The following ZBTB10 variants were observed in gnomAD, a reference collection of about 807,000 sequenced individuals.
The protein encoded by ZBTB10 is zinc finger and BTB domain containing 10, also known as zinc finger and BTB domain-containing protein 10.
In ZBTB10, 32 loss-of-function variants were observed where a neutral mutation model predicts 76.4. The observed-to-expected ratio is 0.42, with a 90% CI of 0.32 to 0.56. The LOEUF (loss-of-function observed/expected upper bound fraction) is 0.56, where lower values mean the gene tolerates loss of function less well. Ranked by LOEUF, ZBTB10 falls within the 20% of genes least tolerant of loss-of-function variation. The pLI is 0.14. For missense variants in ZBTB10, 1,057 were observed against 1,098.5 expected, an observed-to-expected ratio of 0.96 and a Z score of 0.53; for synonymous variants, 523 against 432.9, an observed-to-expected ratio of 1.21 and a Z score of -2.58.
intron 2 of ZBTB10, among the ~76,000 whole-genome samples, chr8:80,510,528 A>T (rs1188587481): frequency 6.6e-6 from 1 of 152,164 alleles, no homozygotes; most frequent in African/African-American, 2.4e-5. Context: ...ACATTTTTTT[A>T]AAATAGGAGA....
chr8:80,513,577 C>CT (rs1816252101), intron 2 of ZBTB10, among the ~76,000 whole-genome samples: 1 of 152,144 alleles, frequency 6.6e-6, no homozygotes, highest in African/African-American at 2.4e-5. Context: ...TAACACTTGG[C>CT]TTGTTATATT....
In ZBTB10 at chr8:80,486,427, T is replaced by G; in HGVS notation, c.-384T>G. The stretch of plus-strand genomic sequence containing the variant: ...GGATCGGTGTGTGCGCGCGCGGCTT[T>G]AAAGAGGGGGCAGCGGAGGGTCTCC... On this transcript the variant is annotated 5_prime_UTR_variant, in exon 1 of 6. Transcript: ENST00000455036. 2.0e-6 allele frequency: 2 copies of G among 981,694 alleles called. No individual in the cohort carries two copies. The highest frequency in any genetic ancestry group is 2.4e-6 in the Non-Finnish European group (2 of 828,658). The allele number at this position is 981,694 out of a possible 1,614,324, so 60.8% of individuals were successfully genotyped here.
In ZBTB10 at chr8:80,486,353, C is replaced by T; in HGVS notation, c.-458C>T. Reference sequence around the variant, plus strand: ...TCACCCTCAGCGCCTGCGAAGCCGGCGGCGGCGTCGGGACTCCTCGGCGCG... The same window carrying T: ...TCACCCTCAGCGCCTGCGAAGCCGGTGGCGGCGTCGGGACTCCTCGGCGCG... On this transcript the variant is annotated 5_prime_UTR_variant, in exon 1 of 6. Transcript: ENST00000455036. The T allele has an allele frequency of 1.0e-6, 1 of 989,544 alleles. No individual in the cohort carries two copies. Among genetic ancestry groups the T allele is most frequent in the South Asian group, 4.6e-5 (1 of 21,700 alleles). The allele number at this position is 989,544 out of a possible 1,614,324, so 61.3% of individuals were successfully genotyped here.
Position 80,498,970 on chromosome 8 carries a change from A to G in ZBTB10, c.973-524A>G, listed in dbSNP as rs374848548. On this transcript the variant is annotated intron_variant, in intron 1 of 5. Coordinates refer to ENST00000455036, the MANE Select transcript of ZBTB10 (RefSeq NM_001105539.3). ...TAGGGTCTTACCTTTATCTCTAGTT[A>G]GATTTAATTAACTTCATTGACCTAA... is the stretch of plus-strand genomic sequence containing the variant. Among the ~76,000 whole-genome samples, 551 of 152,328 alleles carry G rather than the reference A, an allele frequency of 3.6e-3. 5 individuals carry two copies. The highest frequency in any genetic ancestry group is 0.012 in the African/African-American group (498 of 41,568).
chr8:80,514,142 G>C (rs911148478), intron 3 of ZBTB10, 134 bp downstream of exon 3: 8 of 726,474 alleles, frequency 1.1e-5, no homozygotes, highest in Non-Finnish European at 1.6e-5. Flanking sequence ...TGGTAGCTAT[G>C]TTTATGATGA....
chr8:80,488,325 A>G (rs371317441), intron 1 of ZBTB10, among the ~76,000 whole-genome samples: 2 of 152,350 alleles, frequency 1.3e-5, no homozygotes, highest in Admixed American at 1.3e-4. Flanking sequence ...ATGTAAATGT[A>G]GAGAATGCTA....
At chr8:80,505,915 A>ATTTTTTTTTTT in intron 2 of ZBTB10, among the ~76,000 whole-genome samples, 1 of 131,970 alleles carries the variant, frequency 7.6e-6, no homozygotes, top group Non-Finnish European at 1.6e-5. Flanking sequence ...TGCCTGGCTA[A>ATTTTTTTTTTT]TTTTTTTTTT....
In ZBTB10 at chr8:80,487,228, C is replaced by T. The variant is rs768126746; in HGVS notation, c.418C>T (p.Arg140Cys). 63 of 1,547,036 alleles carry T rather than the reference C, an allele frequency of 4.1e-5. No homozygotes were observed. Among genetic ancestry groups the T allele is most frequent in the South Asian group, 1.9e-4 (16 of 84,106 alleles). Residue 140 changes from arginine to cysteine, a missense_variant, in exon 1 of 6, where the codon CGC becomes TGC. Coordinates refer to ENST00000455036, the MANE Select transcript of ZBTB10 (RefSeq NM_001105539.3). ...GGGTCTCGGCAACAATGGCAGTAGC[C>T]GCGGCCGCCCCGAGACCTCGGTGTG... ...GGGLGNNGSS[R>C]GRPETSVWPL... is the part of the protein sequence containing the mutation.
At chr8:80,485,879 G>A (rs1451271052), upstream of ZBTB10, 6 of 1,535,598 alleles carry the variant, frequency 3.9e-6, no homozygotes, top group African/African-American at 1.4e-5. Flanking sequence ...CCCGGGCGCG[G>A]GTAGGTGCGT....
At chr8:80,503,422 A>T (rs908918251) in intron 2 of ZBTB10, among the ~76,000 whole-genome samples, 2 of 152,166 alleles carry the variant, frequency 1.3e-5, no homozygotes, top group African/African-American at 4.8e-5. Context: ...ACTGATTATT[A>T]GGTAGTCATT....
At chr8:80,493,044 T>A (rs1415520821) in intron 1 of ZBTB10, among the ~76,000 whole-genome samples, 3 of 151,264 alleles carry the variant, frequency 2.0e-5, no homozygotes, top group African/African-American at 7.3e-5. Context: ...TGAAACCCCG[T>A]CTCTACTGAA....
chr8:80,485,681 C>T, upstream of ZBTB10: 1 of 1,031,408 alleles, frequency 9.7e-7, no homozygotes. Flanking sequence ...GAGGTTGTGT[C>T]CGTGGTCGTA....
chr8:80,513,793 A>T, intron 2 of ZBTB10, 117 bp from the exon 3 acceptor site: 1 of 763,884 alleles, frequency 1.3e-6, no homozygotes, highest in Non-Finnish European at 2.2e-6. Context: ...CACAGTAGAT[A>T]ATTCATTACT....
At chr8:80,506,262 T>C (rs1816049821) in intron 2 of ZBTB10, among the ~76,000 whole-genome samples, 1 of 152,090 alleles carries the variant, frequency 6.6e-6, no homozygotes, top group Admixed American at 6.6e-5. Flanking sequence ...AAATCAGCTA[T>C]TTATATTTTT....
At chr8:80,496,349 CATAT>C (rs1347359569) in intron 1 of ZBTB10, among the ~76,000 whole-genome samples, 2 of 143,984 alleles carry the variant, frequency 1.4e-5, no homozygotes, top group African/African-American at 5.4e-5. Context: ...TTTTGAAGGT[CATAT>C]TTATTTATGT....
At chr8:80,493,205 GCGCACACACA>G (rs1304294217) in intron 1 of ZBTB10, among the ~76,000 whole-genome samples, 77 of 98,442 alleles carry the variant, frequency 7.8e-4, no homozygotes, top group Admixed American at 5.5e-3. Context: ...GCGCGCGCGC[GCGCACACACA>G]CACACACACA....
At position 80,486,806 on chromosome 8, in the gene ZBTB10, G is replaced by A. The variant is rs1401607495; in HGVS notation, c.-5G>A. On this transcript the variant is annotated 5_prime_UTR_variant, in exon 1 of 6. Coordinates refer to ENST00000455036, the MANE Select transcript of ZBTB10 (RefSeq NM_001105539.3). Reference sequence around the variant, plus strand: ...CACCGGGCGGCGGCGGCGGCGGCGCGCGCCATGTCGTTCAGTGAAATGAAC... The same window carrying A: ...CACCGGGCGGCGGCGGCGGCGGCGCACGCCATGTCGTTCAGTGAAATGAAC... 1.4e-6 allele frequency: 2 copies of A among 1,416,286 alleles called. No homozygotes were observed. Among genetic ancestry groups the A allele is most frequent in the Admixed American group, 6.9e-5 (2 of 29,006 alleles). The allele number at this position is 1,416,286 out of a possible 1,614,324, so 87.7% of individuals were successfully genotyped here.
At chr8:80,493,203 GCGCGCACACACACA>G (rs1022564009) in intron 1 of ZBTB10, among the ~76,000 whole-genome samples, 33 of 107,822 alleles carry the variant, frequency 3.1e-4, no homozygotes, top group South Asian at 3.0e-3. Flanking sequence ...ACGCGCGCGC[GCGCGCACACACACA>G]CACACACACA....
intron 3 of ZBTB10, among the ~76,000 whole-genome samples, chr8:80,518,105 G>T (rs1417689672): frequency 3.3e-5 from 5 of 151,768 alleles, no homozygotes; most frequent in African/African-American, 4.8e-5. Flanking sequence ...GGGCTCAAGT[G>T]ATCCTTCTGC....
Sources: allele counts gnomAD v4.1 joint callset (sites outside exome capture counted in the v4.1 genomes callset), GRCh38; gene constraint gnomAD v4.1.1; transcripts MANE v1.5; gene names NCBI Gene and HGNC (gene_info 2026-07-23, HGNC 2026-07-21).